Variants in CNTNAP2 observed in about 807,000 individuals in gnomAD.
CNTNAP2 encodes contactin-associated protein-like 2.
CNTNAP2 carries 98 observed loss-of-function variants against 155.2 expected under a neutral mutation model. The ratio of observed to expected loss-of-function variants is 0.63; its 90% CI spans 0.54 to 0.75. The LOEUF (loss-of-function observed/expected upper bound fraction) is 0.75, where lower values mean the gene tolerates loss of function less well. Ranked by LOEUF, CNTNAP2 falls within the 30% of genes least tolerant of loss-of-function variation. The pLI is 0.00. For synonymous variants in CNTNAP2, 651 were observed against 631.2 expected (o/e 1.03, Z -0.47); for missense variants, 1,727 against 1,688.1 (o/e 1.02, Z -0.40).
At chr7:146,848,547 C>T (rs745373448) in intron 3 of CNTNAP2, among the ~76,000 whole-genome samples, 4 of 152,038 alleles carry the variant, frequency 2.6e-5, no homozygotes, top group Admixed American at 6.6e-5. Flanking sequence ...GTTTTGGGAA[C>T]ACTAGGAAAG....
At chr7:146,772,958 C>T (rs1460787669) in intron 1 of CNTNAP2, among the ~76,000 whole-genome samples, 1 of 152,160 alleles carries the variant, frequency 6.6e-6, no homozygotes, top group Non-Finnish European at 1.5e-5. Context: ...GGAGACCACA[C>T]AGTCTTTTGT....
intron 21 of CNTNAP2, among the ~76,000 whole-genome samples, chr7:148,337,867 C>T (rs1048780138): frequency 6.6e-6 from 1 of 152,184 alleles, no homozygotes; most frequent in Non-Finnish European, 1.5e-5. Flanking sequence ...GATGAAAGAG[C>T]AATGGGTCAG....
At chr7:147,376,942 C>G (rs1289781632) in intron 9 of CNTNAP2, among the ~76,000 whole-genome samples, 1 of 151,620 alleles carries the variant, frequency 6.6e-6, no homozygotes, top group Admixed American at 6.6e-5. Context: ...GTTGTATTTG[C>G]CTTAGTTACC....
intron 13 of CNTNAP2, among the ~76,000 whole-genome samples, chr7:147,868,189 C>A (rs529005162): frequency 4.6e-5 from 7 of 152,150 alleles, no homozygotes; most frequent in African/African-American, 1.7e-4. Context: ...GTTAGTTTTC[C>A]GTCTAATAGT....
chr7:148,041,860 G>A (rs929323757), intron 15 of CNTNAP2, among the ~76,000 whole-genome samples: 6 of 152,072 alleles, frequency 3.9e-5, no homozygotes, highest in South Asian at 2.1e-4. Context: ...GAACCTCCAC[G>A]GAATATATAC....
chr7:146,557,312 TC>T (rs1204089692), intron 1 of CNTNAP2, among the ~76,000 whole-genome samples: 1 of 152,008 alleles, frequency 6.6e-6, no homozygotes, highest in African/African-American at 2.4e-5. Context: ...ATTGTTACCC[TC>T]CCAGGCTGGA....
intron 9 of CNTNAP2, among the ~76,000 whole-genome samples, chr7:147,367,115 A>G (rs1204055135): frequency 6.6e-6 from 1 of 152,250 alleles, no homozygotes; most frequent in Non-Finnish European, 1.5e-5. Flanking sequence ...ACAAACACAC[A>G]AAAGATAATT....
chr7:146,912,882 T>C (rs2129217619), intron 3 of CNTNAP2, among the ~76,000 whole-genome samples: 1 of 152,298 alleles, frequency 6.6e-6, no homozygotes, highest in South Asian at 2.1e-4. Context: ...TAACATTCTT[T>C]ATTTTGACCC....
At position 146,141,231 on chromosome 7, in the gene CNTNAP2, T is replaced by C. The variant is rs527922845; in HGVS notation, c.97+24258T>C. Among the ~76,000 whole-genome samples, 13 of 152,340 alleles carry C rather than the reference T, an allele frequency of 8.5e-5. No individual in the cohort carries two copies. In the East Asian group the frequency reaches 2.3e-3, roughly 27 times the overall value. Reference sequence around the variant, plus strand: ...TGTCAGCCTACATTTGTCGTTGTTATATTGAAGGTGATTCTAGGTGTGAGT... The same window carrying C: ...TGTCAGCCTACATTTGTCGTTGTTACATTGAAGGTGATTCTAGGTGTGAGT... On this transcript the variant is annotated intron_variant, in intron 1 of 23. Coordinates refer to ENST00000361727, the MANE Select transcript of CNTNAP2 (RefSeq NM_014141.6).
chr7:146,257,549 A>G (rs1460954256), intron 1 of CNTNAP2, among the ~76,000 whole-genome samples: 1 of 152,182 alleles, frequency 6.6e-6, no homozygotes, highest in Non-Finnish European at 1.5e-5. Context: ...ATAAAATGGG[A>G]TTGGCCCAGG....
chr7:148,072,709 T>C (rs1803404330), intron 15 of CNTNAP2, among the ~76,000 whole-genome samples: 1 of 152,170 alleles, frequency 6.6e-6, no homozygotes, highest in Admixed American at 6.5e-5. Flanking sequence ...TTGTGGACTG[T>C]CTTTTGTTTT....
chr7:148,181,199 A>G (rs1388798425), intron 18 of CNTNAP2, among the ~76,000 whole-genome samples: 1 of 152,182 alleles, frequency 6.6e-6, no homozygotes, highest in Non-Finnish European at 1.5e-5. Flanking sequence ...AGGACGTATC[A>G]TGGGACTTCT....
chr7:147,957,689 ACTAAAATTAAAGT>A (rs1251996769), intron 14 of CNTNAP2, among the ~76,000 whole-genome samples: 1 of 152,214 alleles, frequency 6.6e-6, no homozygotes, highest in African/African-American at 2.4e-5. Context: ...CAGTTGATAT[ACTAAAATTAAAGT>A]CTAAAATGCC....
chr7:147,966,637 C>A (rs968143712), intron 14 of CNTNAP2, among the ~76,000 whole-genome samples: 17 of 152,112 alleles, frequency 1.1e-4, no homozygotes, highest in Non-Finnish European at 1.8e-4. Context: ...AGAAGCCCAA[C>A]AATTCCTGGG....
intron 3 of CNTNAP2, among the ~76,000 whole-genome samples, chr7:146,995,957 C>A (rs1798301088): frequency 6.6e-6 from 1 of 151,990 alleles, no homozygotes; most frequent in African/African-American, 2.4e-5. Context: ...CAAAACAAAA[C>A]AAACCTTGCC....
chr7:147,600,154 T>G (rs1021088983), intron 12 of CNTNAP2, among the ~76,000 whole-genome samples: 2 of 152,206 alleles, frequency 1.3e-5, no homozygotes, highest in African/African-American at 4.8e-5. Context: ...ATCCTCCTCT[T>G]TCATCCACCA....
chr7:148,385,499 G>A (rs1799171651), intron 22 of CNTNAP2, among the ~76,000 whole-genome samples: 1 of 152,144 alleles, frequency 6.6e-6, no homozygotes, highest in Non-Finnish European at 1.5e-5. Flanking sequence ...TCTTTGCAAG[G>A]CAGGAGTCCT....
At chr7:147,692,358 T>C (rs1481420573) in intron 13 of CNTNAP2, among the ~76,000 whole-genome samples, 1 of 152,074 alleles carries the variant, frequency 6.6e-6, no homozygotes, top group Non-Finnish European at 1.5e-5. Flanking sequence ...TCACCTCCTT[T>C]GGGTAAATAC....
At chr7:148,254,291 G>T (rs1219274607) in intron 20 of CNTNAP2, among the ~76,000 whole-genome samples, 1 of 151,844 alleles carries the variant, frequency 6.6e-6, no homozygotes, top group Non-Finnish European at 1.5e-5. Context: ...TTATTAAAGC[G>T]CCCCCACACA....
Sources: gnomAD v4.1 joint callset for allele counts (sites outside exome capture counted in the v4.1 genomes callset) on GRCh38, gnomAD v4.1.1 for gene constraint, MANE v1.5 for transcripts, NCBI Gene and HGNC (gene_info 2026-07-23, HGNC 2026-07-21) for gene names.